Variants in NOL4 observed in about 807,000 individuals in gnomAD.
The protein encoded by NOL4 is cancer/testis antigen 125.
NOL4 carries 17 observed loss-of-function variants against 75.9 expected under a neutral mutation model. The ratio of observed to expected loss-of-function variants is 0.22; its 90% CI spans 0.15 to 0.34. The LOEUF is 0.34. Among genes scored for constraint, NOL4 ranks in the 10% least tolerant of loss-of-function variants. The pLI, the probability that NOL4 is intolerant of heterozygous loss-of-function variation, is 1.00. For synonymous variants in NOL4, 292 were observed against 289.9 expected (o/e 1.01, Z -0.07); for missense variants, 614 against 793.5 (o/e 0.77, Z 2.72).
intron 6 of NOL4, among the ~76,000 whole-genome samples, chr18:33,963,366 T>A (rs796161401): frequency 1.3e-5 from 2 of 152,160 alleles, no homozygotes; most frequent in Non-Finnish European, 2.9e-5. Context: ...AATGTGAGTA[T>A]TGGAATGGTA....
At chr18:34,095,251 A>ATGTGTGTG (rs60017439) in intron 4 of NOL4, among the ~76,000 whole-genome samples, 20,150 of 144,348 alleles carry the variant, frequency 0.14, 1,512 homozygotes, top group African/African-American at 0.19. Context: ...TCTAATGTGT[A>ATGTGTGTG]TGTGTGTGTG....
At chr18:34,172,958 T>C (rs2033188214) in intron 1 of NOL4, among the ~76,000 whole-genome samples, 2 of 152,238 alleles carry the variant, frequency 1.3e-5, no homozygotes, top group South Asian at 2.1e-4. Flanking sequence ...ATAGGCTGTC[T>C]TTCAATGTTG....
intron 10 of NOL4, among the ~76,000 whole-genome samples, chr18:33,870,899 G>A (rs1377864397): frequency 6.6e-6 from 1 of 151,868 alleles, no homozygotes; most frequent in Non-Finnish European, 1.5e-5. Flanking sequence ...TTCCCTCCGT[G>A]GCCATTTAGA....
At chr18:34,052,734 T>C (rs2076675926) in intron 5 of NOL4, among the ~76,000 whole-genome samples, 1 of 152,070 alleles carries the variant, frequency 6.6e-6, no homozygotes, top group South Asian at 2.1e-4. Flanking sequence ...AAAGTGCTAA[T>C]TATTTTTATA....
intron 6 of NOL4, among the ~76,000 whole-genome samples, chr18:33,968,166 C>T (rs1419662484): frequency 6.6e-6 from 1 of 151,978 alleles, no homozygotes; most frequent in Admixed American, 6.6e-5. Context: ...AAAAAGAATG[C>T]TTACACACTG....
chr18:34,121,383 T>G (rs2080133747), intron 2 of NOL4: 1 of 152,186 alleles, frequency 6.6e-6, no homozygotes, highest in African/African-American at 2.4e-5. Context: ...CAAAACCTCC[T>G]AGACTTCTGT....
At chr18:33,988,985 C>T (rs1310653261) in intron 6 of NOL4, among the ~76,000 whole-genome samples, 1 of 151,614 alleles carries the variant, frequency 6.6e-6, no homozygotes, top group Non-Finnish European at 1.5e-5. Flanking sequence ...TGCTTGAACC[C>T]AGGACTTTGA....
intron 1 of NOL4, among the ~76,000 whole-genome samples, chr18:34,187,504 G>A (rs777347974): frequency 6.6e-6 from 1 of 150,768 alleles, no homozygotes; most frequent in Non-Finnish European, 1.5e-5. Context: ...AGCCTCCCGC[G>A]TAGCTGGGAC....
intron 6 of NOL4, among the ~76,000 whole-genome samples, chr18:33,959,276 CATAAGT>C (rs2069906125): frequency 6.6e-6 from 1 of 152,120 alleles, no homozygotes. Flanking sequence ...GAATACAATG[CATAAGT>C]ATATCTACAT....
intron 2 of NOL4, 38 bp downstream of exon 2, chr18:34,129,833 C>T (rs538655683): frequency 8.6e-6 from 13 of 1,512,754 alleles, no homozygotes; most frequent in East Asian, 7.1e-5. Flanking sequence ...TATCAAGTCT[C>T]GAAATGCATG....
At chr18:34,115,555 G>T (rs1382199000) in intron 2 of NOL4, among the ~76,000 whole-genome samples, 1 of 150,376 alleles carries the variant, frequency 6.6e-6, no homozygotes, top group Non-Finnish European at 1.5e-5. Flanking sequence ...CTAAAGACCT[G>T]CCTGGGCAAT....
chr18:33,983,481 C>T (rs2072153401), intron 6 of NOL4, among the ~76,000 whole-genome samples: 2 of 151,924 alleles, frequency 1.3e-5, no homozygotes. Flanking sequence ...AACACACGCA[C>T]ACACATGCAC....
At chr18:34,088,334 A>C (rs1406974441) in intron 5 of NOL4, among the ~76,000 whole-genome samples, 1 of 152,112 alleles carries the variant, frequency 6.6e-6, no homozygotes, top group Non-Finnish European at 1.5e-5. Flanking sequence ...AATTCATAAT[A>C]AAGTAAGTAA....
intron 5 of NOL4, among the ~76,000 whole-genome samples, chr18:34,075,299 T>G (rs1297993311): frequency 6.6e-6 from 1 of 152,212 alleles, no homozygotes; most frequent in Non-Finnish European, 1.5e-5. Context: ...ACATTCTAAA[T>G]CATTTTTTGC....
At chr18:33,996,644 CTT>C (rs2146179205) in intron 6 of NOL4, among the ~76,000 whole-genome samples, 1 of 151,906 alleles carries the variant, frequency 6.6e-6, no homozygotes, top group South Asian at 2.1e-4. Flanking sequence ...TTAGGGCCCA[CTT>C]ATAAGTGAGA....
rs1165388693 is a variant in NOL4 at position 34,008,363 on chromosome 18, ATCTG to A, written c.1056+10951_1056+10954del. Reference sequence around the variant, plus strand: ...AGTCCTTCATAACATATCACTTTCTATCTGTCTGTCTATCTATCTATCTATCTAT... The same window carrying A: ...AGTCCTTCATAACATATCACTTTCTATCTGTCTATCTATCTATCTATCTAT... On this transcript the variant is annotated intron_variant, in intron 6 of 10. Coordinates refer to ENST00000261592, the MANE Select transcript of NOL4 (RefSeq NM_003787.5). 7.5e-5 allele frequency among the ~76,000 whole-genome samples: 9 copies of A among 119,986 alleles called. No individual in the cohort carries two copies. In the Admixed American group the frequency reaches 8.4e-4, roughly 11 times the overall value. The allele number at this position is 119,986 out of a possible 152,430, so 78.7% of individuals were successfully genotyped here.
chr18:34,082,898 GAT>G (rs369543591), intron 5 of NOL4, among the ~76,000 whole-genome samples: 347 of 152,280 alleles, frequency 2.3e-3, no homozygotes, highest in African/African-American at 7.8e-3. Flanking sequence ...GCTGACTGAT[GAT>G]ATGTGACTGC....
chr18:33,869,347 A>G (rs1599684519), intron 10 of NOL4, among the ~76,000 whole-genome samples: 2 of 152,006 alleles, frequency 1.3e-5, no homozygotes, highest in African/African-American at 4.8e-5. Flanking sequence ...CGTATTAAGA[A>G]GATGTGTAAG....
intron 10 of NOL4, among the ~76,000 whole-genome samples, chr18:33,866,355 T>C: frequency 6.6e-6 from 1 of 152,328 alleles, no homozygotes; most frequent in South Asian, 2.1e-4. Flanking sequence ...TTTATCCATT[T>C]GTGTTTTATT....
Sources: allele counts gnomAD v4.1 joint callset (sites outside exome capture counted in the v4.1 genomes callset), GRCh38; gene constraint gnomAD v4.1.1; transcripts MANE v1.5; gene names NCBI Gene and HGNC (gene_info 2026-07-23, HGNC 2026-07-21).